The following INSC variants were observed in gnomAD, a reference collection of about 807,000 sequenced individuals.
INSC encodes the protein protein inscuteable homolog.
In INSC, 67 loss-of-function variants were observed where a neutral mutation model predicts 58.6. That is an observed-to-expected ratio of 1.14 (90% CI 0.94 to 1.40). The LOEUF is 1.40. Among genes scored for constraint, INSC ranks in the 40% most tolerant of loss-of-function variants. The probability of loss-of-function intolerance (pLI) is 0.00; values close to 1 mark genes in which losing one functional copy is unlikely to be tolerated. For synonymous variants in INSC, 262 were observed against 276.1 expected (o/e 0.95, Z 0.51); for missense variants, 714 against 692.0 (o/e 1.03, Z -0.36).
intron 1 of INSC, among the ~76,000 whole-genome samples, chr11:15,128,774 C>T (rs897923208): frequency 6.6e-6 from 1 of 152,162 alleles, no homozygotes; most frequent in Non-Finnish European, 1.5e-5. Context: ...GTAGGCTGGC[C>T]CCTGCGCCCA....
At chr11:15,149,083 C>T in intron 1 of INSC, 47 bp from the exon 2 acceptor site, 1 of 1,504,282 alleles carries the variant, frequency 6.6e-7, no homozygotes, top group Non-Finnish European at 8.9e-7. Context: ...AGTGATTGTG[C>T]CTCCTCTTTT....
chr11:15,112,054 A>G (rs1847584424), upstream of INSC, among the ~76,000 whole-genome samples: 4 of 152,076 alleles, frequency 2.6e-5, no homozygotes, highest in South Asian at 8.3e-4. Context: ...TGAGTTTGTA[A>G]ATGTCTCTGA....
intron 7 of INSC, among the ~76,000 whole-genome samples, chr11:15,205,783 C>T (rs1850774223): frequency 6.6e-6 from 1 of 152,110 alleles, no homozygotes; most frequent in Non-Finnish European, 1.5e-5. Flanking sequence ...AAACCTAAGT[C>T]TGGCTGGTTC....
At chr11:15,166,307 A>T (rs181591263) in intron 2 of INSC, among the ~76,000 whole-genome samples, 6 of 152,342 alleles carry the variant, frequency 3.9e-5, no homozygotes, top group Admixed American at 3.9e-4. Context: ...ACCCAACCAG[A>T]GCATTGCTTA....
At chr11:15,257,754 G>C in the INSC span, among the ~76,000 whole-genome samples, 2 of 152,106 alleles carry the variant, frequency 1.3e-5, no homozygotes, top group Non-Finnish European at 2.9e-5. Context: ...ATGCCGCCCG[G>C]AGTCAAAGAA....
At chr11:15,129,148 T>A (rs1163798238) in intron 1 of INSC, among the ~76,000 whole-genome samples, 1 of 152,154 alleles carries the variant, frequency 6.6e-6, no homozygotes, top group Non-Finnish European at 1.5e-5. Flanking sequence ...CCAACCCCAT[T>A]CACTTTCTAT....
chr11:15,201,084 T>C, intron 7 of INSC, 135 bp downstream of exon 7: 1 of 1,133,248 alleles, frequency 8.8e-7, no homozygotes. Context: ...ACCATTCGGA[T>C]AGGGTGGCTG....
In INSC at chr11:15,200,855, G is replaced by C. The variant is rs778161430; in HGVS notation, c.725G>C (p.Cys242Ser). Reference sequence around the variant, plus strand: ...GGGGTCGTAGCACTCTTCAAGGTTTGCCGGCAGGACAGTTTCCGGTGCTTG... The same window carrying C: ...GGGGTCGTAGCACTCTTCAAGGTTTCCCGGCAGGACAGTTTCCGGTGCTTG... ...EGGVVALFKV[C>S]RQDSFRCLYP... The change falls in exon 7 of 13, where the codon TGC becomes TCC. Residue 242 changes from cysteine to serine, a missense_variant. Coordinates refer to ENST00000379556, the MANE Select transcript of INSC (RefSeq NM_001042536.3). 1.2e-5 allele frequency: 19 copies of C among 1,614,026 alleles called. 1 individual carries two copies. Among genetic ancestry groups the C allele is most frequent in the Non-Finnish European group, 1.2e-5 (14 of 1,180,010 alleles).
chr11:15,121,773 G>T (rs1340439635), intron 1 of INSC, among the ~76,000 whole-genome samples: 1 of 152,032 alleles, frequency 6.6e-6, no homozygotes, highest in Non-Finnish European at 1.5e-5. Flanking sequence ...TATCACTAGG[G>T]TCTCATGAAT....
At chr11:15,265,748 G>T in the INSC span, among the ~76,000 whole-genome samples, 1 of 147,350 alleles carries the variant, frequency 6.8e-6, no homozygotes. Context: ...TCTATTATAT[G>T]TTAATTTTAT....
rs7949064 is a variant in INSC at position 15,225,618 on chromosome 11, C to T, written c.992-32C>T. On this transcript the variant is annotated intron_variant, in intron 8 of 12. Coordinates refer to ENST00000379556, the MANE Select transcript of INSC (RefSeq NM_001042536.3). ...ACAAGTGATATGAAAACACTTGGCA[C>T]GGAAGTTATTTTCTTTCTCTTTGCC... 4.4e-4 allele frequency: 710 copies of T among 1,598,326 alleles called. 9 individuals carry two copies. The African/African-American group carries it at 8.3e-3, about 19-fold the overall frequency.
intron 2 of INSC, among the ~76,000 whole-genome samples, chr11:15,153,338 C>CA (rs1411398390): frequency 6.6e-6 from 1 of 152,220 alleles, no homozygotes; most frequent in African/African-American, 2.4e-5. Context: ...CAGCTTGTGG[C>CA]AGGCAACCTC....
Position 15,225,631 on chromosome 11 carries a change from C to A in INSC, c.992-19C>A. 1.2e-6 allele frequency: 2 copies of A among 1,606,028 alleles called. No individual in the cohort carries two copies. Among genetic ancestry groups the A allele is most frequent in the Non-Finnish European group, 1.7e-6 (2 of 1,175,264 alleles). On this transcript the variant is annotated intron_variant, in intron 8 of 12. Transcript: ENST00000379556. The stretch of plus-strand genomic sequence containing the variant: ...AAACACTTGGCACGGAAGTTATTTT[C>A]TTTCTCTTTGCCATCCAGAACTGTG...
chr11:15,171,148 TG>T (rs1849383474), intron 2 of INSC, among the ~76,000 whole-genome samples: 1 of 152,074 alleles, frequency 6.6e-6, no homozygotes, highest in South Asian at 2.1e-4. Flanking sequence ...ACCATGGCTG[TG>T]GGGTTGGGTT....
At chr11:15,166,552 G>A (rs1326181317) in intron 2 of INSC, among the ~76,000 whole-genome samples, 1 of 152,148 alleles carries the variant, frequency 6.6e-6, no homozygotes, top group African/African-American at 2.4e-5. Flanking sequence ...AGAGGATAGG[G>A]TGGGTTTGGG....
intron 5 of INSC, among the ~76,000 whole-genome samples, chr11:15,178,668 T>C (rs1849658856): frequency 6.6e-6 from 1 of 152,212 alleles, no homozygotes; most frequent in Non-Finnish European, 1.5e-5. Context: ...ATTTTCCAGA[T>C]GTGAAAACTG....
At chr11:15,158,860 G>GTTTTTTTTTTTTTT (rs529518368) in intron 2 of INSC, among the ~76,000 whole-genome samples, 50 of 109,664 alleles carry the variant, frequency 4.6e-4, no homozygotes, top group Non-Finnish European at 6.2e-4. Flanking sequence ...ATTGTTGGTG[G>GTTTTTTTTTTTTTT]TTTTTTTTTT....
chr11:15,195,886 C>T (rs1850351967), intron 6 of INSC, among the ~76,000 whole-genome samples: 1 of 152,220 alleles, frequency 6.6e-6, no homozygotes, highest in South Asian at 2.1e-4. Context: ...TACCATGCTG[C>T]CTGACTTTCC....
At chr11:15,221,678 GGA>G in intron 8 of INSC, 30 bp downstream of exon 8, 2 of 1,581,854 alleles carry the variant, frequency 1.3e-6, no homozygotes, top group Non-Finnish European at 1.7e-6. Flanking sequence ...GGGACCACTA[GGA>G]GAGAGGGCCT....
Sources: gnomAD v4.1 joint callset for allele counts (sites outside exome capture counted in the v4.1 genomes callset) on GRCh38, gnomAD v4.1.1 for gene constraint, MANE v1.5 for transcripts, NCBI Gene and HGNC (gene_info 2026-07-23, HGNC 2026-07-21) for gene names.